Variants in JAKMIP1 observed in about 807,000 individuals in gnomAD.
JAKMIP1 encodes the protein janus kinase and microtubule interacting protein 1, also known as janus kinase and microtubule-interacting protein 1.
A neutral mutation model predicts 113.0 loss-of-function variants in JAKMIP1; 33 were observed. The ratio of observed to expected loss-of-function variants is 0.29; its 90% CI spans 0.22 to 0.39. The LOEUF is 0.39. JAKMIP1 is among the 10% of genes least tolerant of loss of function. JAKMIP1 has a pLI of 1.00. For synonymous variants in JAKMIP1, 480 were observed against 459.9 expected, an observed-to-expected ratio of 1.04 and a Z score of -0.56; for missense variants, 813 against 1,080.5, an observed-to-expected ratio of 0.75 and a Z score of 3.47.
intron 1 of JAKMIP1, among the ~76,000 whole-genome samples, chr4:6,148,665 A>G (rs1721175334): frequency 6.6e-6 from 1 of 152,238 alleles, no homozygotes; most frequent in Non-Finnish European, 1.5e-5. Context: ...AGCCTGCAGG[A>G]GCCCCAATAA....
Position 6,167,082 on chromosome 4 carries a change from G to T in JAKMIP1, c.-148+33171C>A, listed in dbSNP as rs1578439456. On this transcript the variant is annotated intron_variant, in intron 1 of 20. Coordinates refer to ENST00000409021, the MANE Select transcript of JAKMIP1 (RefSeq NM_001099433.2). The surrounding 1 kb of genome is among the most constrained non-coding windows in gnomAD (Gnocchi z 5.3). ...TTGGAACAGTGCCTGGTGCGTAGGG[G>T]GTACTCAGGGTGGGCTGCTGGTATT... Among the ~76,000 whole-genome samples, 1 of 152,200 alleles carries T rather than the reference G, an allele frequency of 6.6e-6. No homozygotes were observed. Among genetic ancestry groups the T allele is most frequent in the South Asian group, 2.1e-4 (1 of 4,816 alleles).
intron 1 of JAKMIP1, among the ~76,000 whole-genome samples, chr4:6,121,285 T>C (rs1176037721): frequency 1.3e-5 from 2 of 151,628 alleles, no homozygotes; most frequent in Non-Finnish European, 2.9e-5. Flanking sequence ...TTGCCAACAA[T>C]GTCCATAGCT....
At chr4:6,095,784 C>CG (rs201994537) in intron 3 of JAKMIP1, among the ~76,000 whole-genome samples, 1,684 of 151,442 alleles carry the variant, frequency 0.011, 29 homozygotes, top group African/African-American at 0.039. Context: ...TGCACAGAGG[C>CG]GGGGGGCGTC....
At position 6,080,897 on chromosome 4, in the gene JAKMIP1, C is replaced by T. The variant is rs1307743137; in HGVS notation, c.1102-585G>A. ...TGCTGACAGGAAGGGATGCGCAGGG[C>T]CTGGGGGTGGAAGACGACATTTGAA... On this transcript the variant is annotated intron_variant, in intron 6 of 20. Coordinates refer to ENST00000409021, the MANE Select transcript of JAKMIP1 (RefSeq NM_001099433.2). The surrounding 1 kb of genome is among the most constrained non-coding windows in gnomAD (Gnocchi z 6.0). Among the ~76,000 whole-genome samples, 1 of 151,446 alleles carries T rather than the reference C, an allele frequency of 6.6e-6. No homozygotes were observed. The highest frequency in any genetic ancestry group is 1.5e-5 in the Non-Finnish European group (1 of 67,984).
intron 1 of JAKMIP1, among the ~76,000 whole-genome samples, chr4:6,126,228 A>ATG (rs1717562589): frequency 1.3e-5 from 2 of 148,336 alleles, no homozygotes; most frequent in Non-Finnish European, 3.0e-5. Context: ...AAACACACAC[A>ATG]CGCAAACACA....
intron 8 of JAKMIP1, among the ~76,000 whole-genome samples, chr4:6,078,117 C>A (rs550441587): frequency 6.6e-6 from 1 of 152,128 alleles, no homozygotes; most frequent in Admixed American, 6.5e-5. Context: ...GGAGAGAAGA[C>A]CAGCCTAGCC....
intron 1 of JAKMIP1, among the ~76,000 whole-genome samples, chr4:6,132,009 A>G (rs1460156367): frequency 1.3e-5 from 2 of 152,254 alleles, no homozygotes; most frequent in Non-Finnish European, 2.9e-5. Context: ...AGACTCACAT[A>G]AAGAAAGGAA....
At position 6,106,396 on chromosome 4, in the gene JAKMIP1, G is replaced by T. The variant is rs1713956288; in HGVS notation, c.130-429C>A. ...AGACAGACCAGGCTTCTAAGTCCTG[G>T]GGGGCAGTGAGCAGGGGGCACCATT... On this transcript the variant is annotated intron_variant, in intron 2 of 20. Transcript: ENST00000409021. The surrounding 1 kb of genome is among the most constrained non-coding windows in gnomAD (Gnocchi z 5.9). Among the ~76,000 whole-genome samples, 1 of 152,012 alleles carries T rather than the reference G, an allele frequency of 6.6e-6. No homozygotes were observed. Among genetic ancestry groups the T allele is most frequent in the Admixed American group, 6.6e-5 (1 of 15,260 alleles).
rs1373024436 is a variant in JAKMIP1, at chr4:6,038,483, T to A, written c.2175+2156A>T. 2.1e-5 allele frequency among the ~76,000 whole-genome samples: 3 copies of A among 146,252 alleles called. No individual in the cohort carries two copies. In the East Asian group the frequency reaches 6.0e-4, roughly 29 times the overall value. On this transcript the variant is annotated intron_variant, in intron 18 of 20. Coordinates refer to ENST00000409021, the MANE Select transcript of JAKMIP1 (RefSeq NM_001099433.2). ...TATCCCTCCATCACTGAGGCAGAGGTTAACCCAGTAGCCCTCCATCACTGA... is the reference window on the plus strand; with the variant it reads ...TATCCCTCCATCACTGAGGCAGAGGATAACCCAGTAGCCCTCCATCACTGA...
chr4:6,063,158 G>T (rs1717555351), intron 9 of JAKMIP1, among the ~76,000 whole-genome samples: 1 of 152,006 alleles, frequency 6.6e-6, no homozygotes, highest in African/African-American at 2.4e-5. Context: ...AAAAAAAATG[G>T]CCACATAAGT....
Position 6,112,791 on chromosome 4 carries a change from C to G in JAKMIP1, c.60G>C (p.Gln20His). The G allele has an allele frequency of 1.2e-6, 2 of 1,614,150 alleles. No individual in the cohort carries two copies. Among genetic ancestry groups the G allele is most frequent in the Non-Finnish European group, 1.7e-6 (2 of 1,180,050 alleles). The change falls in exon 2 of 21, where the codon CAG (glutamine) becomes CAC (histidine). Residue 20 changes from glutamine (Q) to histidine (H), a missense_variant. Physicochemically the swap from Gln to His is conservative, Grantham distance 24. Around this residue, in one of 2 missense-constraint regions of JAKMIP1, gnomAD observed 540 missense variants for 653.9 expected, o/e 0.83. Coordinates refer to ENST00000409021, the MANE Select transcript of JAKMIP1 (RefSeq NM_001099433.2). ...TGGCCCGCAGCTCCTCGTTGGCCAT[C>G]TGCACCGCGTCCGTCTCCATCTCGG... ...EKPEMETDAV[Q>H]MANEELRAKL...
Position 6,062,328 on chromosome 4 carries a change from G to C in JAKMIP1, c.1544C>G (p.Ala515Gly), listed in dbSNP as rs763828619. 6.2e-7 allele frequency: 1 copy of C among 1,612,940 alleles called. No individual in the cohort carries two copies. The highest frequency in any genetic ancestry group is 1.1e-5 in the South Asian group (1 of 91,048). ...LQEQVGGTLDAEREARTREQL... is the reference protein window; with the variant it reads ...LQEQVGGTLDGEREARTREQL... ...TGCACTCACCCGGGCCTCCCTCTCA[G>C]CGTCCAGCGTGCCTCCCACCTGCTC... Residue 515 changes from alanine (A) to glycine (G), a missense_variant, in exon 10 of 21, where the codon GCT becomes GGT. By Grantham distance (60) the Ala-to-Gly change is moderately conservative. Around this residue, in one of 2 missense-constraint regions of JAKMIP1, gnomAD observed 273 missense variants for 426.6 expected, o/e 0.64. Coordinates refer to ENST00000409021, the MANE Select transcript of JAKMIP1 (RefSeq NM_001099433.2).
intron 1 of JAKMIP1, among the ~76,000 whole-genome samples, chr4:6,127,082 G>A (rs906026297): frequency 6.6e-6 from 1 of 152,208 alleles, no homozygotes; most frequent in East Asian, 1.9e-4. Context: ...TGGTGGCTCC[G>A]AGCAGGGCAG....
intron 3 of JAKMIP1, among the ~76,000 whole-genome samples, chr4:6,098,790 T>TAAGAAA (rs1560181892): frequency 2.8e-4 from 42 of 149,794 alleles, no homozygotes; most frequent in East Asian, 2.6e-3. Context: ...AAAGAAAGAT[T>TAAGAAA]GATTCCTGAT....
chr4:6,036,331 GC>G (rs1396515871), intron 18 of JAKMIP1, among the ~76,000 whole-genome samples: 1 of 152,206 alleles, frequency 6.6e-6, no homozygotes, highest in Non-Finnish European at 1.5e-5. Context: ...CAACCCAGAT[GC>G]CCCTACTATG....
Position 6,036,007 on chromosome 4 carries a change from T to C in JAKMIP1, c.2276A>G (p.Gln759Arg), listed in dbSNP as rs543257630. 7.1e-6 allele frequency: 11 copies of C among 1,552,112 alleles called. No individual in the cohort carries two copies. In the Admixed American group the frequency reaches 2.2e-4, roughly 30 times the overall value. Residue 759 changes from glutamine (Q) to arginine (R), a missense_variant, in exon 19 of 21, where the codon CAG (glutamine) becomes CGG (arginine). Physicochemically the swap from Gln to Arg is conservative, Grantham distance 43. Around this residue, in one of 2 missense-constraint regions of JAKMIP1, gnomAD observed 273 missense variants for 426.6 expected, o/e 0.64. Transcript: ENST00000409021. ...CCTGCGCACCTTTTCCACAGCAGCC[T>C]GCAGGTCCTCCCGCTGGCCCTCGCT... is the stretch of plus-strand genomic sequence containing the variant. ...ALSEGQREDL[Q>R]AAVEKVRRQI...
chr4:6,175,776 A>G (rs951804223), intron 1 of JAKMIP1, among the ~76,000 whole-genome samples: 3 of 152,222 alleles, frequency 2.0e-5, no homozygotes, highest in African/African-American at 7.2e-5. Flanking sequence ...CAAAACTCAG[A>G]CATTGTTTTC....
In JAKMIP1 at chr4:6,181,953, G is replaced by A. The variant is rs1726074825; in HGVS notation, c.-148+18300C>T. ...GGAGATGAGCCTGTGCAGACAGGAG[G>A]AGGAGGGGTCTGGGCAAGTTCAGGG... is the stretch of plus-strand genomic sequence containing the variant. On this transcript the variant is annotated intron_variant, in intron 1 of 20. Transcript: ENST00000409021. The surrounding 1 kb of genome is among the most constrained non-coding windows in gnomAD (Gnocchi z 5.4). 6.6e-6 allele frequency among the ~76,000 whole-genome samples: 1 copy of A among 152,162 alleles called. No homozygotes were observed. The highest frequency in any genetic ancestry group is 1.5e-5 in the Non-Finnish European group (1 of 68,038).
At chr4:6,036,198 G>A in intron 18 of JAKMIP1, 91 bp from the exon 19 acceptor site, 1 of 1,079,448 alleles carries the variant, frequency 9.3e-7, no homozygotes, top group Non-Finnish European at 1.3e-6. Context: ...GCAGAGCCAG[G>A]GAGGGGGGTT....
Sources: gnomAD v4.1 joint callset for allele counts (sites outside exome capture counted in the v4.1 genomes callset) on GRCh38, gnomAD v4.1.1 for gene constraint, gnomAD v4.1.1 regional missense constraint, Gnocchi (gnomAD v3.1) non-coding constraint, MANE v1.5 for transcripts, NCBI Gene and HGNC (gene_info 2026-07-23, HGNC 2026-07-21) for gene names.